GATB: variants seen among roughly 807,000 people sequenced by gnomAD.
GATB encodes the protein glutamyl-tRNA amidotransferase subunit B.
Under a neutral mutation model 62.3 loss-of-function variants are expected in GATB, and 39 were observed. That is an observed-to-expected ratio of 0.63 (90% CI 0.48 to 0.82). The LOEUF is 0.82. Among genes scored for constraint, GATB ranks in the 40% least tolerant of loss-of-function variants. The probability of loss-of-function intolerance (pLI) is 0.00; values close to 1 mark genes in which losing one functional copy is unlikely to be tolerated. For synonymous variants in GATB, 276 were observed against 258.9 expected (o/e 1.07, Z -0.63); for missense variants, 670 against 684.0 (o/e 0.98, Z 0.23).
At chr4:151,739,564 GC>G (rs1404168372) in intron 2 of GATB, among the ~76,000 whole-genome samples, 1 of 152,196 alleles carries the variant, frequency 6.6e-6, no homozygotes, top group Non-Finnish European at 1.5e-5. Context: ...CAAGCCAATG[GC>G]CTCAGATGAC....
In GATB at chr4:151,730,392, G is replaced by A. The variant is rs1170895577; in HGVS notation, c.328-10854C>T. Among the ~76,000 whole-genome samples, 7 of 152,132 alleles carry A rather than the reference G, an allele frequency of 4.6e-5. No homozygotes were observed. Among genetic ancestry groups the A allele is most frequent in the African/African-American group, 1.2e-4 (5 of 41,426 alleles). The stretch of plus-strand genomic sequence containing the variant: ...ACAATCTTGGGAGTTCTAGGGCCCC[G>A]CCCACCACTGGTCCCTCTCCATACT... On this transcript the variant is annotated intron_variant, in intron 2 of 12. Coordinates refer to ENST00000263985, the MANE Select transcript of GATB (RefSeq NM_004564.3). This position sits in a 1 kb window ranked among gnomAD's most constrained non-coding sequence, Gnocchi z 4.1.
Position 151,719,257 on chromosome 4 carries a change from CA to C in GATB, c.441+167del, listed in dbSNP as rs145517346. 5.7e-3 allele frequency among the ~76,000 whole-genome samples: 874 copies of C among 152,342 alleles called. 6 individuals carry two copies. The highest frequency in any genetic ancestry group is 0.02 in the African/African-American group (851 of 41,564). On this transcript the variant is annotated intron_variant, in intron 3 of 12. Coordinates refer to ENST00000263985, the MANE Select transcript of GATB (RefSeq NM_004564.3). Reference sequence around the variant, plus strand: ...CAACTGCATCCGATCTAGTAACCATCAGGGGCACCTGCCTGCATCAGGGCTG... The same window carrying C: ...CAACTGCATCCGATCTAGTAACCATCGGGGCACCTGCCTGCATCAGGGCTG...
intron 2 of GATB, chr4:151,721,836 G>A (rs888708374): frequency 4.0e-5 from 9 of 225,150 alleles, no homozygotes; most frequent in African/African-American, 2.1e-4. Flanking sequence ...CCCTGTGGGA[G>A]AAGAGTTGAG....
At chr4:151,682,684 C>T (rs1275214959) in intron 10 of GATB, among the ~76,000 whole-genome samples, 1 of 151,994 alleles carries the variant, frequency 6.6e-6, no homozygotes, top group Non-Finnish European at 1.5e-5. Context: ...GCTTCTACAA[C>T]CACCCCCGAC....
In GATB at chr4:151,758,809, A is replaced by G; in HGVS notation, c.290T>C (p.Val97Ala). ...AGGTAGAGATGCATCAAAAAAAGAA[A>G]CCAAAGAATTTGGAGGTGCTGAAAA... ...VRFSAPPNSL[V>A]SFFDASLPGT... is the part of the protein sequence containing the mutation. The change falls in exon 2 of 13, where the codon GTT (valine) becomes GCT (alanine). Residue 97 changes from valine to alanine, a missense_variant. Coordinates refer to ENST00000263985, the MANE Select transcript of GATB (RefSeq NM_004564.3). 3.1e-6 allele frequency: 5 copies of G among 1,608,712 alleles called. No individual in the cohort carries two copies. Among genetic ancestry groups the G allele is most frequent in the Non-Finnish European group, 4.2e-6 (5 of 1,177,540 alleles).
At chr4:151,690,924 A>G (rs73862092) in intron 9 of GATB, among the ~76,000 whole-genome samples, 3,141 of 152,284 alleles carry the variant, frequency 0.021, 89 homozygotes, top group African/African-American at 0.071. Context: ...CCAGGAAATG[A>G]TGGATCAATA....
At position 151,760,978 on chromosome 4, in the gene GATB, G is replaced by C; in HGVS notation, c.5C>G (p.Ala2Gly). ...GCAGCCCCAGCGCAGCATGGGCGCC[G>C]CCATTGTAACTCCAGGGTCTTGGTC... is the stretch of plus-strand genomic sequence containing the variant. M[A>G]APMLRWGCRG... Residue 2 changes from alanine to glycine, a missense_variant, in exon 1 of 13, where the codon GCG becomes GGG. Coordinates refer to ENST00000263985, the MANE Select transcript of GATB (RefSeq NM_004564.3). The C allele has an allele frequency of 6.2e-7, 1 of 1,610,198 alleles. No individual in the cohort carries two copies. Among genetic ancestry groups the C allele is most frequent in the Non-Finnish European group, 8.5e-7 (1 of 1,178,672 alleles).
intron 5 of GATB, among the ~76,000 whole-genome samples, chr4:151,711,625 T>C (rs1738820046): frequency 6.6e-6 from 1 of 152,232 alleles, no homozygotes; most frequent in Non-Finnish European, 1.5e-5. Flanking sequence ...ACATTGTCAC[T>C]TTCCAATGTT....
chr4:151,731,110 TC>T (rs1739236347), intron 2 of GATB, among the ~76,000 whole-genome samples: 1 of 41,480 alleles, frequency 2.4e-5, no homozygotes, highest in Admixed American at 1.9e-4. Flanking sequence ...CCCTTCCCCC[TC>T]CCCCTCTCCC....
chr4:151,717,145 T>G, intron 3 of GATB, 71 bp from the exon 4 acceptor site: 1 of 1,399,124 alleles, frequency 7.1e-7, no homozygotes, highest in South Asian at 1.2e-5. Context: ...TTACTATCCC[T>G]TTTACAATGT....
chr4:151,687,922 G>C (rs762381469), intron 10 of GATB, among the ~76,000 whole-genome samples: 2 of 152,210 alleles, frequency 1.3e-5, no homozygotes, highest in Non-Finnish European at 2.9e-5. Flanking sequence ...AGTGGCCTGA[G>C]TTGAGTGAGA....
chr4:151,757,695 T>C (rs1002299545), intron 2 of GATB, among the ~76,000 whole-genome samples: 4 of 152,078 alleles, frequency 2.6e-5, no homozygotes, highest in Non-Finnish European at 5.9e-5. Context: ...GCCAGGATGG[T>C]CTCGATCTCC....
At chr4:151,682,830 C>T (rs529866434) in intron 10 of GATB, among the ~76,000 whole-genome samples, 5 of 152,274 alleles carry the variant, frequency 3.3e-5, no homozygotes, top group African/African-American at 1.2e-4. Flanking sequence ...GTACCTGCTG[C>T]GCACAGGATT....
chr4:151,690,916 A>C (rs1473523933), intron 9 of GATB, among the ~76,000 whole-genome samples: 1 of 152,234 alleles, frequency 6.6e-6, no homozygotes, highest in African/African-American at 2.4e-5. Flanking sequence ...GCAGCCACCC[A>C]GGAAATGATG....
intron 9 of GATB, among the ~76,000 whole-genome samples, chr4:151,697,961 A>ATATATATATATATATATATATATGTG (rs1738514497): frequency 1.7e-5 from 1 of 58,462 alleles, no homozygotes; most frequent in African/African-American, 6.2e-5. Flanking sequence ...GTGTATATAT[A>ATATATATATATATATATATATATGTG]TATATATATA....
chr4:151,731,997 G>A (rs1259889790), intron 2 of GATB, among the ~76,000 whole-genome samples: 2 of 143,530 alleles, frequency 1.4e-5, no homozygotes, highest in Non-Finnish European at 3.0e-5. Flanking sequence ...CGCCCCGTCC[G>A]GGAGGGAGGT....
At chr4:151,690,523 G>A (rs184397522) in intron 9 of GATB, among the ~76,000 whole-genome samples, 95 of 152,338 alleles carry the variant, frequency 6.2e-4, no homozygotes, top group Admixed American at 9.8e-4. Context: ...CAAATCAGAC[G>A]GGCAGAATTC....
chr4:151,725,745 C>T (rs62327351), intron 2 of GATB, among the ~76,000 whole-genome samples: 1,530 of 152,286 alleles, frequency 0.01, 19 homozygotes, highest in Non-Finnish European at 0.018. Context: ...CCACTAATTA[C>T]AAATAAATCT....
chr4:151,735,999 T>G (rs1192297101), intron 2 of GATB, among the ~76,000 whole-genome samples: 2 of 151,296 alleles, frequency 1.3e-5, no homozygotes, highest in Non-Finnish European at 2.9e-5. Flanking sequence ...AAATACCACT[T>G]GTACCCCAAT....
Sources: gnomAD v4.1 joint callset for allele counts (sites outside exome capture counted in the v4.1 genomes callset) on GRCh38, gnomAD v4.1.1 for gene constraint, Gnocchi (gnomAD v3.1) non-coding constraint, MANE v1.5 for transcripts, NCBI Gene and HGNC (gene_info 2026-07-23, HGNC 2026-07-21) for gene names.